Variants in PIEZO2 observed in about 807,000 individuals in gnomAD.
The protein encoded by PIEZO2 is piezo-type mechanosensitive ion channel component 2.
A neutral mutation model predicts 337.3 loss-of-function variants in PIEZO2; 172 were observed. That is an observed-to-expected ratio of 0.51 (90% confidence interval 0.45 to 0.58). The LOEUF is 0.58. Among genes scored for constraint, PIEZO2 ranks in the 20% least tolerant of loss-of-function variants. PIEZO2 has a pLI of 0.00. For missense variants in PIEZO2, 3,028 were observed against 3,391.3 expected (o/e 0.89, Z 2.66); for synonymous variants, 1,251 against 1,228.5 (o/e 1.02, Z -0.38).
At chr18:10,892,417 C>T (rs572960532) in intron 4 of PIEZO2, among the ~76,000 whole-genome samples, 3 of 152,112 alleles carry the variant, frequency 2.0e-5, no homozygotes, top group East Asian at 3.9e-4. Flanking sequence ...CATGACAATC[C>T]AGAAAAGGTA....
chr18:10,748,457 A>G lies in PIEZO2; in HGVS notation c.4424+14T>C. On this transcript the variant is annotated intron_variant, in intron 30 of 55. Transcript: ENST00000674853. This position sits in a 1 kb window ranked among gnomAD's most constrained non-coding sequence, Gnocchi z 5.1. ...TTCCTGGGAGAAACCACCTGATTTCATGGCCTGACCCACCTTGATGCCAGA... is the reference window on the plus strand; with the variant it reads ...TTCCTGGGAGAAACCACCTGATTTCGTGGCCTGACCCACCTTGATGCCAGA... The G allele has an allele frequency of 6.5e-7, 1 of 1,536,218 alleles. No individual in the cohort carries two copies. The highest frequency in any genetic ancestry group is 1.4e-5 in the African/African-American group (1 of 73,086).
At chr18:10,930,362 A>G (rs1453092131) in intron 3 of PIEZO2, among the ~76,000 whole-genome samples, 9 of 152,166 alleles carry the variant, frequency 5.9e-5, no homozygotes, top group Admixed American at 5.9e-4. Context: ...GCTGATTTCA[A>G]CTCTTCAGGC....
rs534396196 is a variant in PIEZO2 at position 11,035,853 on chromosome 18, G to A, written c.160+30274C>T. ...AAAGCCCATGGGTGTCTCCCCTAAT[G>A]AACAGCAAATAATATCTGTACTCCA... On this transcript the variant is annotated intron_variant, in intron 2 of 55. Transcript: ENST00000674853. This position sits in a 1 kb window ranked among gnomAD's most constrained non-coding sequence, Gnocchi z 4.3. 6.6e-6 allele frequency among the ~76,000 whole-genome samples: 1 copy of A among 152,250 alleles called. No individual in the cohort carries two copies. The highest frequency in any genetic ancestry group is 2.1e-4 in the South Asian group (1 of 4,816).
At chr18:10,692,760 T>C (rs1168740272) in intron 47 of PIEZO2, among the ~76,000 whole-genome samples, 2 of 152,218 alleles carry the variant, frequency 1.3e-5, no homozygotes, top group African/African-American at 4.8e-5. Context: ...CACTGCTTGA[T>C]CATCACAGCT....
chr18:10,898,353 A>G (rs957785434), intron 4 of PIEZO2, among the ~76,000 whole-genome samples: 13 of 152,124 alleles, frequency 8.5e-5, no homozygotes, highest in Admixed American at 2.6e-4. Context: ...CCCAGGAGGC[A>G]GAGCTTGCAG....
At position 10,850,138 on chromosome 18, in the gene PIEZO2, A is replaced by G. The variant is rs1047047762; in HGVS notation, c.917+5215T>C. 2.2e-4 allele frequency among the ~76,000 whole-genome samples: 34 copies of G among 152,218 alleles called. No individual in the cohort carries two copies. The highest frequency in any genetic ancestry group is 7.0e-4 in the African/African-American group (29 of 41,458). ...ATATGCTCGTGCCACACCTGTGTGC[A>G]TAAACGGAAGGGAATCACTAATTCT... On this transcript the variant is annotated intron_variant, in intron 7 of 55. Coordinates refer to ENST00000674853, the MANE Select transcript of PIEZO2 (RefSeq NM_001378183.1). The surrounding 1 kb of genome is among the most constrained non-coding windows in gnomAD (Gnocchi z 4.5).
At chr18:10,998,784 A>G (rs556661025) in intron 2 of PIEZO2, among the ~76,000 whole-genome samples, 3 of 152,014 alleles carry the variant, frequency 2.0e-5, no homozygotes, top group African/African-American at 7.2e-5. Context: ...AAGGAAAGGA[A>G]GTAGAGTTTT....
intron 2 of PIEZO2, among the ~76,000 whole-genome samples, chr18:11,006,998 T>A (rs1247149445): frequency 1.3e-5 from 2 of 152,186 alleles, no homozygotes; most frequent in African/African-American, 4.8e-5. Context: ...ATCTATCACA[T>A]CAAACATTTA....
intron 2 of PIEZO2, among the ~76,000 whole-genome samples, chr18:11,044,165 A>G (rs948621134): frequency 5.0e-4 from 75 of 149,808 alleles, no homozygotes; most frequent in African/African-American, 1.8e-3. Context: ...TATACTATAT[A>G]TATATATACA....
intron 7 of PIEZO2, among the ~76,000 whole-genome samples, chr18:10,839,044 G>A (rs767572833): frequency 6.6e-6 from 1 of 152,232 alleles, no homozygotes; most frequent in African/African-American, 2.4e-5. Context: ...ATAGAAGAGA[G>A]GGAGAGTAAT....
rs1330285154 is a variant in PIEZO2, at chr18:11,126,710, C to G, written c.64+21815G>C. ...TTTATTGAATGAATCAATGAAAGATCAACATCACAATAATAATTTACATTT... is the reference window on the plus strand; with the variant it reads ...TTTATTGAATGAATCAATGAAAGATGAACATCACAATAATAATTTACATTT... On this transcript the variant is annotated intron_variant, in intron 1 of 55. Coordinates refer to ENST00000674853, the MANE Select transcript of PIEZO2 (RefSeq NM_001378183.1). The surrounding 1 kb of genome is among the most constrained non-coding windows in gnomAD (Gnocchi z 4.6). Among the ~76,000 whole-genome samples the G allele has an allele frequency of 6.6e-6, 1 of 151,802 alleles. No individual in the cohort carries two copies. The highest frequency in any genetic ancestry group is 1.5e-5 in the Non-Finnish European group (1 of 68,002).
In PIEZO2 at chr18:11,070,643, G is replaced by A. The variant is rs1434061231; in HGVS notation, c.65-4421C>T. 6.6e-6 allele frequency among the ~76,000 whole-genome samples: 1 copy of A among 152,236 alleles called. No individual in the cohort carries two copies. The highest frequency in any genetic ancestry group is 2.4e-5 in the African/African-American group (1 of 41,460). On this transcript the variant is annotated intron_variant, in intron 1 of 55. Transcript: ENST00000674853. The surrounding 1 kb of genome is among the most constrained non-coding windows in gnomAD (Gnocchi z 4.3). Reference sequence around the variant, plus strand: ...GGGAGACTAGACTGTCGTGACTGCCGGTAAGGATGTCCTTGCAGGCCCTCG... The same window carrying A: ...GGGAGACTAGACTGTCGTGACTGCCAGTAAGGATGTCCTTGCAGGCCCTCG...
At chr18:10,976,790 A>G (rs922952083) in intron 3 of PIEZO2, among the ~76,000 whole-genome samples, 15 of 152,180 alleles carry the variant, frequency 9.9e-5, no homozygotes, top group Admixed American at 7.2e-4. Context: ...TAGGAGAGGC[A>G]GACCTAGCTC....
chr18:10,818,307 G>A (rs2040423416), intron 7 of PIEZO2, among the ~76,000 whole-genome samples: 1 of 152,154 alleles, frequency 6.6e-6, no homozygotes, highest in African/African-American at 2.4e-5. Context: ...TTGAGGGGAA[G>A]GTGATTTACA....
chr18:10,720,857 C>T (rs777284266), intron 36 of PIEZO2, among the ~76,000 whole-genome samples: 16 of 152,128 alleles, frequency 1.1e-4, no homozygotes, highest in South Asian at 4.1e-4. Context: ...GCTCCACATC[C>T]GGTCTTGACC....
rs1425318594 is a variant in PIEZO2 at position 11,069,853 on chromosome 18, T to A, written c.65-3631A>T. On this transcript the variant is annotated intron_variant, in intron 1 of 55. Coordinates refer to ENST00000674853, the MANE Select transcript of PIEZO2 (RefSeq NM_001378183.1). The surrounding 1 kb of genome is among the most constrained non-coding windows in gnomAD (Gnocchi z 4.9). Reference sequence around the variant, plus strand: ...AAAATACAAAATCAACACAAGAAAATCAGTGGTATTTGCTATATGCTAACA... The same window carrying A: ...AAAATACAAAATCAACACAAGAAAAACAGTGGTATTTGCTATATGCTAACA... Among the ~76,000 whole-genome samples the A allele has an allele frequency of 6.6e-6, 1 of 152,042 alleles. No individual in the cohort carries two copies. Among genetic ancestry groups the A allele is most frequent in the Non-Finnish European group, 1.5e-5 (1 of 68,004 alleles).
intron 1 of PIEZO2, among the ~76,000 whole-genome samples, chr18:11,122,772 G>A (rs2040064563): frequency 1.3e-5 from 2 of 152,092 alleles, no homozygotes; most frequent in African/African-American, 4.8e-5. Flanking sequence ...CAGCCAGGAT[G>A]ATCATTCTAA....
At position 10,784,958 on chromosome 18, in the gene PIEZO2, C is replaced by T; in HGVS notation, c.2319-1G>A. 1.3e-6 allele frequency: 2 copies of T among 1,528,908 alleles called. No homozygotes were observed. The highest frequency in any genetic ancestry group is 1.7e-6 in the Non-Finnish European group (2 of 1,144,098). The allele number at this position is 1,528,908 out of a possible 1,614,324, so 94.7% of individuals were successfully genotyped here. A position where few individuals can be genotyped will look rare whatever the true frequency, so the allele number is the denominator to read the frequency against. On this transcript the variant is annotated splice_acceptor_variant, in intron 16 of 55. Transcript: ENST00000674853. LOFTEE classifies it high-confidence loss of function. The surrounding 1 kb of genome is among the most constrained non-coding windows in gnomAD (Gnocchi z 4.5). ...CTGCTTTAAGCCAAGATCCTCAAGCCTGCAAAACAAAACAAAATAAAAAGC... is the reference window on the plus strand; with the variant it reads ...CTGCTTTAAGCCAAGATCCTCAAGCTTGCAAAACAAAACAAAATAAAAAGC...
At chr18:10,925,646 C>G (rs918986299) in intron 3 of PIEZO2, among the ~76,000 whole-genome samples, 1 of 152,178 alleles carries the variant, frequency 6.6e-6, no homozygotes, top group Admixed American at 6.5e-5. Context: ...GTGGCTCAAT[C>G]TCAGCTCACT....
Sources: allele counts gnomAD v4.1 joint callset (sites outside exome capture counted in the v4.1 genomes callset), GRCh38; gene constraint gnomAD v4.1.1; non-coding constraint Gnocchi (gnomAD v3.1); transcripts MANE v1.5; gene names NCBI Gene and HGNC (gene_info 2026-07-23, HGNC 2026-07-21).